Variants in AFAP1L1 observed in about 807,000 individuals in gnomAD.
AFAP1L1 encodes actin filament-associated protein 1-like 1.
In AFAP1L1, 77 loss-of-function variants were observed where a neutral mutation model predicts 99.8. That is an observed-to-expected ratio of 0.77 (90% CI 0.64 to 0.93). The LOEUF (loss-of-function observed/expected upper bound fraction) is 0.93, where lower values mean the gene tolerates loss of function less well. AFAP1L1 is among the 40% of genes least tolerant of loss of function. AFAP1L1 has a pLI of 0.00. For synonymous variants in AFAP1L1, 373 were observed against 395.3 expected, an observed-to-expected ratio of 0.94 and a Z score of 0.67; for missense variants, 893 against 996.8, an observed-to-expected ratio of 0.90 and a Z score of 1.40.
intron 1 of AFAP1L1, 75 bp from the exon 2 acceptor site, chr5:149,299,434 G>T (rs753354564): frequency 2.5e-6 from 4 of 1,581,288 alleles, no homozygotes; most frequent in Non-Finnish European, 3.4e-6. Context: ...AACTCTAGGT[G>T]GTGGGGGGCC....
intron 1 of AFAP1L1, among the ~76,000 whole-genome samples, chr5:149,283,473 T>C (rs908151680): frequency 9.2e-5 from 14 of 152,162 alleles, no homozygotes; most frequent in Admixed American, 8.5e-4. Flanking sequence ...AATTAAACCA[T>C]ATGTATTTTT....
chr5:149,272,460 A>G (rs934401247), intron 1 of AFAP1L1, among the ~76,000 whole-genome samples: 13 of 152,150 alleles, frequency 8.5e-5, no homozygotes, highest in Non-Finnish European at 7.3e-5. Context: ...GTGTGCATGC[A>G]TGTGTGCGCC....
chr5:149,303,068 A>T (rs1178873177), intron 5 of AFAP1L1, among the ~76,000 whole-genome samples: 4 of 152,238 alleles, frequency 2.6e-5, no homozygotes, highest in African/African-American at 9.6e-5. Flanking sequence ...AACATGATGT[A>T]GGCAGAAATA....
rs1260334005 is a variant in AFAP1L1, at chr5:149,287,741, G to GT, written c.17-11761dup. Among the ~76,000 whole-genome samples, 92 of 143,780 alleles carry GT rather than the reference G, an allele frequency of 6.4e-4. 1 individual carries two copies. Among genetic ancestry groups the GT allele is most frequent in the African/African-American group, 1.9e-3 (76 of 39,076 alleles). 94.3% of individuals were successfully genotyped at this position (143,780 alleles called of 152,430 possible). A position where few individuals can be genotyped will look rare whatever the true frequency, so the allele number is the denominator to read the frequency against. ...GGGACTACAGACATGAGGGTTTTTT[G>GT]TTTTTTTGGTGTTTTTTTTTTTTTT... On this transcript the variant is annotated intron_variant, in intron 1 of 18. Transcript: ENST00000296721.
chr5:149,304,578 G>A (rs896165168), intron 5 of AFAP1L1, among the ~76,000 whole-genome samples: 8 of 152,170 alleles, frequency 5.3e-5, no homozygotes, highest in Non-Finnish European at 1.0e-4. Context: ...AGGAAAGGGA[G>A]GGCTTCAGGA....
chr5:149,271,868 C>CCG lies in AFAP1L1; in HGVS notation c.-101_-100insCG. 1 of 940,022 alleles carries CCG rather than the reference C, an allele frequency of 1.1e-6. No homozygotes were observed. Among genetic ancestry groups the CCG allele is most frequent in the Non-Finnish European group, 1.4e-6 (1 of 740,230 alleles). The allele number at this position is 940,022 out of a possible 1,614,324, so 58.2% of individuals were successfully genotyped here. The stretch of plus-strand genomic sequence containing the variant: ...TGGGGGAGGGGACCGCAGAGAGCGC[C>CCG]GGCCGCTGGGCTGGCCTGAGAGCGC... On this transcript the variant is annotated 5_prime_UTR_variant, in exon 1 of 19. Transcript: ENST00000296721.
At chr5:149,298,991 T>C (rs1231378754) in intron 1 of AFAP1L1, among the ~76,000 whole-genome samples, 7 of 152,232 alleles carry the variant, frequency 4.6e-5, no homozygotes, top group African/African-American at 1.4e-4. Context: ...GGAGGGTTAA[T>C]GTTTAGTTTG....
rs1248296433 is a variant in AFAP1L1, at chr5:149,307,274, T to C, written c.536-128T>C. 3 of 939,704 alleles carry C rather than the reference T, an allele frequency of 3.2e-6. No individual in the cohort carries two copies. The African/African-American group carries it at 4.9e-5, about 15-fold the overall frequency. 58.2% of individuals were successfully genotyped at this position (939,704 alleles called of 1,614,324 possible). A position where few individuals can be genotyped will look rare whatever the true frequency, so the allele number is the denominator to read the frequency against. ...AAAAAAAAGTAGGGGCCTTAGTCAT[T>C]ACCAGTGTCATGCCTAATGCCCATG... On this transcript the variant is annotated intron_variant, in intron 6 of 18. Transcript: ENST00000296721.
chr5:149,326,545 TAAAAAAAAAA>T (rs59762007), intron 15 of AFAP1L1, among the ~76,000 whole-genome samples: 11 of 129,670 alleles, frequency 8.5e-5, no homozygotes, highest in African/African-American at 3.3e-4. Flanking sequence ...TCGCCAAAAA[TAAAAAAAAAA>T]AAAAAAAGAA....
chr5:149,317,582 C>G, intron 11 of AFAP1L1, 147 bp from the exon 12 acceptor site: 1 of 731,236 alleles, frequency 1.4e-6, no homozygotes, highest in South Asian at 1.9e-5. Flanking sequence ...CAGAGAAATG[C>G]ACACCCAAGG....
rs61732646 is a variant in AFAP1L1, at chr5:149,322,608, C to T, written c.1701C>T (p.Asp567=). 224 of 1,567,688 alleles carry T rather than the reference C, an allele frequency of 1.4e-4. 1 individual carries two copies. The highest frequency in any genetic ancestry group is 1.1e-3 in the East Asian group (45 of 42,682). Residue 567 remains aspartate, a splice_region_variant and synonymous_variant, in exon 15 of 19, where the codon GAC becomes GAT. Coordinates refer to ENST00000296721, the MANE Select transcript of AFAP1L1 (RefSeq NM_152406.4). Reference sequence around the variant, plus strand: ...TGTCTTCCTCCATCTCCCACCAGGACGAGGAGCCCGAGCGCCCCACAGGGG... The same window carrying T: ...TGTCTTCCTCCATCTCCCACCAGGATGAGGAGCCCGAGCGCCCCACAGGGG... ...YDDVPYEKMQ[D]EEPERPTGAQ...
intron 4 of AFAP1L1, 115 bp downstream of exon 4, chr5:149,301,345 C>T (rs1195288348): frequency 1.1e-6 from 1 of 895,790 alleles, no homozygotes; most frequent in Non-Finnish European, 1.7e-6. Flanking sequence ...CCTGTTGTCT[C>T]TCTCGGGTTG....
chr5:149,289,981 C>A (rs1243766297), intron 1 of AFAP1L1, among the ~76,000 whole-genome samples: 2 of 152,328 alleles, frequency 1.3e-5, no homozygotes, highest in East Asian at 3.9e-4. Context: ...CGCCTGTAAT[C>A]CCAGCACTTT....
chr5:149,300,230 C>T, intron 2 of AFAP1L1, 41 bp from the exon 3 acceptor site: 15 of 1,514,646 alleles, frequency 9.9e-6, no homozygotes, highest in Non-Finnish European at 1.4e-5. Flanking sequence ...GACCTGGTCC[C>T]TCCTCCTTCA....
At position 149,340,253 on chromosome 5, in the gene AFAP1L1, G is replaced by C; in HGVS notation, c.*223G>C. ...GAGAGCATCCTTATGACTTTACAAA[G>C]GGTGGAAATGAGGATGGAGGGATAC... On this transcript the variant is annotated 3_prime_UTR_variant, in exon 19 of 19. Coordinates refer to ENST00000296721, the MANE Select transcript of AFAP1L1 (RefSeq NM_152406.4). 1.9e-6 allele frequency: 1 copy of C among 535,324 alleles called. No individual in the cohort carries two copies. The highest frequency in any genetic ancestry group is 3.0e-5 in the East Asian group (1 of 33,858). 33.2% of individuals were successfully genotyped at this position (535,324 alleles called of 1,614,324 possible).
In AFAP1L1 at chr5:149,341,419, A is replaced by C. The variant is rs1339521330; in HGVS notation, c.*1389A>C. On this transcript the variant is annotated 3_prime_UTR_variant, in exon 19 of 19. Transcript: ENST00000296721. ...GGGCTAGGTTTGAGCCATGCCTCTA[A>C]TGACCAGCTGGGTGACCTTGGGAAA... 1 of 152,232 alleles carries C rather than the reference A, an allele frequency of 6.6e-6. No homozygotes were observed. Among genetic ancestry groups the C allele is most frequent in the Non-Finnish European group, 1.5e-5 (1 of 68,044 alleles). 9.4% of individuals were successfully genotyped at this position (152,232 alleles called of 1,614,324 possible). A position where few individuals can be genotyped will look rare whatever the true frequency, so the allele number is the denominator to read the frequency against.
intron 17 of AFAP1L1, among the ~76,000 whole-genome samples, chr5:149,334,538 A>T (rs181339279): frequency 6.6e-6 from 1 of 152,244 alleles, no homozygotes. Flanking sequence ...TAAGATATTA[A>T]TACTAAGCAA....
In AFAP1L1 at chr5:149,332,893, T is replaced by C. The variant is rs1410434947; in HGVS notation, c.2154+20T>C. On this transcript the variant is annotated intron_variant, in intron 17 of 18. Coordinates refer to ENST00000296721, the MANE Select transcript of AFAP1L1 (RefSeq NM_152406.4). ...AGTGGGGTGAGTCCAGGCCCTTCCA[T>C]GCCAGGGGCAGCTACTCCTATGTCC... is the stretch of plus-strand genomic sequence containing the variant. The C allele has an allele frequency of 3.2e-6, 5 of 1,544,448 alleles. No individual in the cohort carries two copies. The highest frequency in any genetic ancestry group is 4.3e-5 in the Admixed American group (2 of 46,172).
intron 15 of AFAP1L1, among the ~76,000 whole-genome samples, chr5:149,326,716 CAAA>C (rs1757107802): frequency 6.6e-6 from 1 of 151,934 alleles, no homozygotes; most frequent in Non-Finnish European, 1.5e-5. Flanking sequence ...GATGCATTGT[CAAA>C]ATCAATAGAG....
Sources: allele counts gnomAD v4.1 joint callset (sites outside exome capture counted in the v4.1 genomes callset), GRCh38; gene constraint gnomAD v4.1.1; transcripts MANE v1.5; gene names NCBI Gene and HGNC (gene_info 2026-07-23, HGNC 2026-07-21).